The following CADPS2 variants were observed in gnomAD, a reference collection of about 807,000 sequenced individuals.
CADPS2 encodes the protein calcium dependent secretion activator 2.
Under a neutral mutation model 172.5 loss-of-function variants are expected in CADPS2, and 93 were observed. That is an observed-to-expected ratio of 0.54 (90% CI 0.46 to 0.64). The LOEUF (loss-of-function observed/expected upper bound fraction) is 0.64, where lower values mean the gene tolerates loss of function less well. Among genes scored for constraint, CADPS2 ranks in the 30% least tolerant of loss-of-function variants. The probability of loss-of-function intolerance (pLI) is 0.00; values close to 1 mark genes in which losing one functional copy is unlikely to be tolerated. For synonymous variants in CADPS2, 546 were observed against 555.2 expected, an observed-to-expected ratio of 0.98 and a Z score of 0.23; for missense variants, 1,420 against 1,565.9, an observed-to-expected ratio of 0.91 and a Z score of 1.57.
At chr7:122,729,533 A>G (rs1392049925) in intron 2 of CADPS2, among the ~76,000 whole-genome samples, 2 of 151,562 alleles carry the variant, frequency 1.3e-5, no homozygotes, top group African/African-American at 4.8e-5. Context: ...AACATCTGTT[A>G]TTTTTTGCCT....
chr7:122,391,438 T>C (rs1287269915), intron 22 of CADPS2, among the ~76,000 whole-genome samples: 2 of 152,078 alleles, frequency 1.3e-5, no homozygotes, highest in Non-Finnish European at 2.9e-5. Context: ...ATGCCCATGA[T>C]AGTGTTCTTG....
At chr7:122,541,300 A>C (rs896004068) in intron 8 of CADPS2, among the ~76,000 whole-genome samples, 1 of 149,794 alleles carries the variant, frequency 6.7e-6, no homozygotes, top group South Asian at 2.1e-4. Flanking sequence ...GGATTCAAGC[A>C]ATTTTCCTGC....
rs540902260 is a variant in CADPS2, at chr7:122,857,383, T to C, written c.339+28616A>G. Among the ~76,000 whole-genome samples the C allele has an allele frequency of 6.6e-4, 101 of 152,220 alleles. 1 individual carries two copies. The highest frequency in any genetic ancestry group is 2.3e-3 in the African/African-American group (94 of 41,536). ...GTATGAGTAATAAAGAAACAAAAAA[T>C]AGTAAAAACTGAAAAAGTAAAAGAG... On this transcript the variant is annotated intron_variant, in intron 1 of 29. Coordinates refer to ENST00000449022, the MANE Select transcript of CADPS2 (RefSeq NM_017954.11).
intron 1 of CADPS2, among the ~76,000 whole-genome samples, chr7:122,762,629 C>T (rs796368178): frequency 6.6e-6 from 1 of 152,156 alleles, no homozygotes; most frequent in African/African-American, 2.4e-5. Flanking sequence ...AAAAGTATTT[C>T]TCCCATGCAC....
At chr7:122,783,168 A>G (rs1353765699) in intron 1 of CADPS2, among the ~76,000 whole-genome samples, 1 of 149,960 alleles carries the variant, frequency 6.7e-6, no homozygotes, top group Non-Finnish European at 1.5e-5. Flanking sequence ...GTGAGCCGAG[A>G]GGCGACAAAG....
rs138147126 is a variant in CADPS2, at chr7:122,617,766, G to A, written c.1105-2467C>T. On this transcript the variant is annotated intron_variant, in intron 5 of 29. Transcript: ENST00000449022. ...CAGTCTAAAAAATCAACTATAAGCC[G>A]GGCACAGTGGCTCACGCCTGTAATC... Among the ~76,000 whole-genome samples, 1,182 of 152,206 alleles carry A rather than the reference G, an allele frequency of 7.8e-3. 14 individuals carry two copies. Among genetic ancestry groups the A allele is most frequent in the African/African-American group, 0.027 (1,103 of 41,520 alleles).
At chr7:122,601,948 C>T (rs760446644) in intron 6 of CADPS2, among the ~76,000 whole-genome samples, 2 of 151,980 alleles carry the variant, frequency 1.3e-5, no homozygotes, top group Non-Finnish European at 2.9e-5. Flanking sequence ...TTTTAAAAAA[C>T]TGTATTAATT....
chr7:122,536,609 G>T (rs552484377), intron 8 of CADPS2, among the ~76,000 whole-genome samples: 1 of 152,214 alleles, frequency 6.6e-6, no homozygotes, highest in South Asian at 2.1e-4. Context: ...ACCATTTACT[G>T]ATGAGGGTCA....
chr7:122,718,393 G>A (rs147920248), intron 2 of CADPS2, among the ~76,000 whole-genome samples: 3 of 152,108 alleles, frequency 2.0e-5, no homozygotes, highest in East Asian at 1.9e-4. Flanking sequence ...AAGGAGGTAG[G>A]AGAGAAGTAG....
chr7:122,770,950 C>G (rs1296390195), intron 1 of CADPS2, among the ~76,000 whole-genome samples: 1 of 152,208 alleles, frequency 6.6e-6, no homozygotes, highest in Non-Finnish European at 1.5e-5. Flanking sequence ...AGGCTTTACT[C>G]AGGCATTTCC....
intron 1 of CADPS2, among the ~76,000 whole-genome samples, chr7:122,864,486 C>CA (rs1016591969): frequency 6.6e-6 from 1 of 151,710 alleles, no homozygotes; most frequent in East Asian, 1.9e-4. Context: ...TCTCAAAAAA[C>CA]AAAAAAACAA....
At chr7:122,654,143 T>A (rs1273953587) in intron 3 of CADPS2, among the ~76,000 whole-genome samples, 1 of 152,168 alleles carries the variant, frequency 6.6e-6, no homozygotes, top group African/African-American at 2.4e-5. Context: ...AAGAAAAGTT[T>A]GAAGCTAGGA....
intron 1 of CADPS2, among the ~76,000 whole-genome samples, chr7:122,755,254 C>T (rs1045557235): frequency 6.6e-6 from 1 of 152,098 alleles, no homozygotes; most frequent in African/African-American, 2.4e-5. Context: ...ACCAAGCAAA[C>T]CATGCTGACG....
chr7:122,811,924 C>G (rs1800104589), intron 1 of CADPS2, among the ~76,000 whole-genome samples: 1 of 152,046 alleles, frequency 6.6e-6, no homozygotes, highest in African/African-American at 2.4e-5. Context: ...GGAAGAAACT[C>G]TCTTTCATTT....
At chr7:122,445,155 T>C (rs1226293969) in intron 15 of CADPS2, among the ~76,000 whole-genome samples, 2 of 152,192 alleles carry the variant, frequency 1.3e-5, no homozygotes, top group African/African-American at 4.8e-5. Flanking sequence ...TGTTCCCACG[T>C]TGTCCTTTTT....
intron 28 of CADPS2, among the ~76,000 whole-genome samples, chr7:122,328,227 T>C (rs970000514): frequency 3.9e-5 from 6 of 151,988 alleles, no homozygotes; most frequent in African/African-American, 1.5e-4. Flanking sequence ...TTCTTATTTC[T>C]AGTGCTGGGA....
At chr7:122,852,047 T>G (rs565824232) in intron 1 of CADPS2, among the ~76,000 whole-genome samples, 4 of 152,338 alleles carry the variant, frequency 2.6e-5, no homozygotes, top group Admixed American at 2.6e-4. Context: ...GCGGCAGAAC[T>G]GTAATTTGAA....
At chr7:122,538,366 T>G (rs1337914601) in intron 8 of CADPS2, among the ~76,000 whole-genome samples, 1 of 149,352 alleles carries the variant, frequency 6.7e-6, no homozygotes, top group South Asian at 2.1e-4. Flanking sequence ...GTTTTTTGTT[T>G]TTTTTTTTTA....
intron 17 of CADPS2, among the ~76,000 whole-genome samples, chr7:122,437,410 C>T (rs1301448530): frequency 6.6e-6 from 1 of 152,054 alleles, no homozygotes; most frequent in East Asian, 1.9e-4. Context: ...TATCATCAAT[C>T]TTTTTCCCTA....
Sources: allele counts gnomAD v4.1 joint callset (sites outside exome capture counted in the v4.1 genomes callset), GRCh38; gene constraint gnomAD v4.1.1; transcripts MANE v1.5; gene names NCBI Gene and HGNC (gene_info 2026-07-23, HGNC 2026-07-21).